WWOX: variants seen among roughly 807,000 people sequenced by gnomAD.
The protein encoded by WWOX is WW domain containing oxidoreductase.
In WWOX, 69 loss-of-function variants were observed where a neutral mutation model predicts 46.2. That is an observed-to-expected ratio of 1.49 (90% CI 1.23 to 1.82). WWOX has a LOEUF of 1.82. Ranked by LOEUF, WWOX falls within the 40% of genes most tolerant of loss-of-function variation. The pLI is 0.00. For missense variants in WWOX, 919 were observed against 542.6 expected, an observed-to-expected ratio of 1.69 and a Z score of -6.89; for synonymous variants, 359 against 202.6, an observed-to-expected ratio of 1.77 and a Z score of -6.56.
chr16:78,973,972 A>C (rs932931210), intron 8 of WWOX, among the ~76,000 whole-genome samples: 3 of 152,180 alleles, frequency 2.0e-5, no homozygotes, highest in Non-Finnish European at 4.4e-5. Flanking sequence ...TTTCAAGGTG[A>C]TTTTATTACT....
At position 78,672,179 on chromosome 16, in the gene WWOX, C is replaced by G. The variant is rs138534601; in HGVS notation, c.1056+239427C>G. Among the ~76,000 whole-genome samples the G allele has an allele frequency of 1.8e-3, 280 of 152,190 alleles. 3 individuals are homozygous for G. The highest frequency in any genetic ancestry group is 6.4e-3 in the African/African-American group (266 of 41,530). ...TTTAAATGTCAGATTTAATTAAATCCATGACCAGAAGACAAACCCAAAGGA... is the reference window on the plus strand; with the variant it reads ...TTTAAATGTCAGATTTAATTAAATCGATGACCAGAAGACAAACCCAAAGGA... On this transcript the variant is annotated intron_variant, in intron 8 of 8. Coordinates refer to ENST00000566780, the MANE Select transcript of WWOX (RefSeq NM_016373.4).
chr16:78,832,796 G>A (rs1359461384), intron 8 of WWOX, among the ~76,000 whole-genome samples: 1 of 152,132 alleles, frequency 6.6e-6, no homozygotes, highest in African/African-American at 2.4e-5. Flanking sequence ...AGGAAACCTT[G>A]AGCTTCTTCT....
At chr16:78,765,156 T>C (rs897088834) in intron 8 of WWOX, among the ~76,000 whole-genome samples, 2 of 152,114 alleles carry the variant, frequency 1.3e-5, no homozygotes, top group African/African-American at 4.8e-5. Flanking sequence ...CAGATCACAG[T>C]GGCCCCACAG....
At chr16:78,568,116 G>C (rs988213810) in intron 8 of WWOX, among the ~76,000 whole-genome samples, 4 of 152,182 alleles carry the variant, frequency 2.6e-5, no homozygotes, top group African/African-American at 9.7e-5. Flanking sequence ...TGCGGAATTT[G>C]AAAGTGTGCA....
chr16:78,192,093 A>G lies in WWOX; in HGVS notation c.516+27804A>G, dbSNP rs1349397379. ...ACAAAAATAGGACCTATTACTATCT[A>G]GGTGACAGGATCATTCATACCCCAA... is the stretch of plus-strand genomic sequence containing the variant. On this transcript the variant is annotated intron_variant, in intron 5 of 8. Coordinates refer to ENST00000566780, the MANE Select transcript of WWOX (RefSeq NM_016373.4). Among the ~76,000 whole-genome samples, 12 of 152,192 alleles carry G rather than the reference A, an allele frequency of 7.9e-5. No individual in the cohort carries two copies. In the East Asian group the frequency reaches 2.3e-3, roughly 29 times the overall value.
chr16:78,732,540 G>C (rs185030783), intron 8 of WWOX, among the ~76,000 whole-genome samples: 82 of 152,072 alleles, frequency 5.4e-4, no homozygotes, highest in Non-Finnish European at 1.0e-3. Flanking sequence ...CATGAATAGC[G>C]CATGTGGTAG....
At chr16:78,361,952 G>A (rs905392085) in intron 5 of WWOX, among the ~76,000 whole-genome samples, 38 of 144,134 alleles carry the variant, frequency 2.6e-4, no homozygotes, top group Middle Eastern at 3.3e-3. Flanking sequence ...TTATATTAGC[G>A]TAGATTCACA....
Position 78,199,542 on chromosome 16 carries a change from C to G in WWOX, c.516+35253C>G, listed in dbSNP as rs572301692. 5.3e-4 allele frequency among the ~76,000 whole-genome samples: 81 copies of G among 152,300 alleles called. 1 individual carries two copies. Among genetic ancestry groups the G allele is most frequent in the South Asian group, 4.1e-3 (20 of 4,828 alleles). ...TACTACCCAGGAAAGCCAGTGTTCT[C>G]ATGGGCTCTTCTCTTTTTTATGCTC... On this transcript the variant is annotated intron_variant, in intron 5 of 8. Coordinates refer to ENST00000566780, the MANE Select transcript of WWOX (RefSeq NM_016373.4).
intron 8 of WWOX, among the ~76,000 whole-genome samples, chr16:78,459,475 A>G (rs995269120): frequency 1.3e-5 from 2 of 152,076 alleles, no homozygotes; most frequent in Admixed American, 1.3e-4. Context: ...TCTAACTATC[A>G]AGGTCATGCG....
intron 8 of WWOX, among the ~76,000 whole-genome samples, chr16:78,670,537 G>T (rs1417867332): frequency 6.6e-6 from 1 of 152,078 alleles, no homozygotes; most frequent in East Asian, 1.9e-4. Flanking sequence ...TAGGTACACA[G>T]GCTTCAGAGT....
chr16:78,985,484 T>C (rs2046766489), intron 8 of WWOX, among the ~76,000 whole-genome samples: 1 of 152,136 alleles, frequency 6.6e-6, no homozygotes, highest in Non-Finnish European at 1.5e-5. Flanking sequence ...ACATTCAGAA[T>C]AGGGGCCAGG....
chr16:78,531,509 G>C (rs1391623679), intron 8 of WWOX, among the ~76,000 whole-genome samples: 1 of 152,060 alleles, frequency 6.6e-6, no homozygotes, highest in Non-Finnish European at 1.5e-5. Context: ...AGTTCTTTTA[G>C]TTTCTCTTAC....
intron 5 of WWOX, among the ~76,000 whole-genome samples, chr16:78,219,330 A>G (rs1387655423): frequency 1.3e-5 from 2 of 152,206 alleles, no homozygotes; most frequent in Non-Finnish European, 2.9e-5. Context: ...TGCGCCATCT[A>G]CTAATCTCTG....
intron 5 of WWOX, among the ~76,000 whole-genome samples, chr16:78,230,338 G>C (rs2037216790): frequency 6.6e-6 from 1 of 152,176 alleles, no homozygotes; most frequent in Admixed American, 6.5e-5. Flanking sequence ...TAGTATTTCA[G>C]CTGTGTCCAT....
chr16:79,199,185 C>A (rs1384228316), intron 8 of WWOX, among the ~76,000 whole-genome samples: 5 of 152,210 alleles, frequency 3.3e-5, no homozygotes, highest in African/African-American at 1.2e-4. Context: ...GCCTCAGCCT[C>A]CCAAGTAAGT....
intron 8 of WWOX, among the ~76,000 whole-genome samples, chr16:78,459,955 C>A (rs565754537): frequency 6.6e-6 from 1 of 151,774 alleles, no homozygotes; most frequent in South Asian, 2.1e-4. Context: ...CAGGCACACG[C>A]CAGCACACCC....
intron 8 of WWOX, among the ~76,000 whole-genome samples, chr16:78,528,373 G>A (rs978276515): frequency 6.6e-6 from 1 of 151,474 alleles, no homozygotes; most frequent in Non-Finnish European, 1.5e-5. Context: ...TGAGTAATTA[G>A]CAAAGAATTA....
chr16:78,494,451 GGATGGTTTAATAAATAA>G (rs1335507350), intron 8 of WWOX, among the ~76,000 whole-genome samples: 2 of 150,356 alleles, frequency 1.3e-5, no homozygotes, highest in Non-Finnish European at 3.0e-5. Flanking sequence ...TTTGCATTTT[GGATGGTTTAATAAATAA>G]GATTGATACA....
At chr16:78,632,356 A>G (rs1173134509) in intron 8 of WWOX, among the ~76,000 whole-genome samples, 2 of 152,086 alleles carry the variant, frequency 1.3e-5, no homozygotes, top group African/African-American at 4.8e-5. Flanking sequence ...TGCCCAAAGT[A>G]TCAGAGTCAT....
Sources: gnomAD v4.1 joint callset for allele counts (sites outside exome capture counted in the v4.1 genomes callset) on GRCh38, gnomAD v4.1.1 for gene constraint, MANE v1.5 for transcripts, NCBI Gene and HGNC (gene_info 2026-07-23, HGNC 2026-07-21) for gene names.